SLIT3: variants seen among roughly 807,000 people sequenced by gnomAD.
The protein encoded by SLIT3 is slit guidance ligand 3.
A neutral mutation model predicts 184.0 loss-of-function variants in SLIT3; 68 were observed. The ratio of observed to expected loss-of-function variants is 0.37; its 90% confidence interval spans 0.30 to 0.45. SLIT3 has a LOEUF of 0.45. SLIT3 is among the 20% of genes least tolerant of loss of function. The pLI is 1.00. For synonymous variants in SLIT3, 831 were observed against 828.6 expected, an observed-to-expected ratio of 1.00 and a Z score of -0.05; for missense variants, 1,707 against 2,026.0, an observed-to-expected ratio of 0.84 and a Z score of 3.02.
intron 1 of SLIT3, among the ~76,000 whole-genome samples, chr5:169,296,482 G>A (rs1007628723): frequency 1.3e-5 from 2 of 152,162 alleles, no homozygotes; most frequent in African/African-American, 4.8e-5. Context: ...CTGTCCAGGA[G>A]GGCACTGTGT....
intron 5 of SLIT3, among the ~76,000 whole-genome samples, chr5:168,856,397 T>C (rs1435713971): frequency 6.6e-6 from 1 of 152,124 alleles, no homozygotes; most frequent in Non-Finnish European, 1.5e-5. Flanking sequence ...TATCTGGGTG[T>C]GAGAAGAACT....
At chr5:168,974,715 G>A (rs938263249) in intron 4 of SLIT3, among the ~76,000 whole-genome samples, 5 of 152,184 alleles carry the variant, frequency 3.3e-5, no homozygotes, top group Non-Finnish European at 7.3e-5. Flanking sequence ...TCTTTAGGGA[G>A]GGGCTGTCAC....
At chr5:169,103,620 T>A (rs1760097428) in intron 4 of SLIT3, among the ~76,000 whole-genome samples, 1 of 152,194 alleles carries the variant, frequency 6.6e-6, no homozygotes, top group South Asian at 2.1e-4. Flanking sequence ...TTCCCCAGGG[T>A]GGGCATGCTG....
chr5:169,053,695 G>A (rs934762126), intron 4 of SLIT3, among the ~76,000 whole-genome samples: 3 of 146,762 alleles, frequency 2.0e-5, no homozygotes, highest in South Asian at 2.2e-4. Flanking sequence ...GGAATTCCCC[G>A]CCCCCTTCTT....
intron 4 of SLIT3, among the ~76,000 whole-genome samples, chr5:169,102,652 A>AGT (rs1760062833): frequency 1.3e-5 from 2 of 152,110 alleles, no homozygotes; most frequent in Admixed American, 1.3e-4. Context: ...ACAGAGGACA[A>AGT]GTGTGTGTGT....
chr5:169,193,455 A>G, intron 4 of SLIT3, 24 bp downstream of exon 4: 2 of 1,605,820 alleles, frequency 1.2e-6, no homozygotes, highest in Non-Finnish European at 1.7e-6. Flanking sequence ...CACAAGGTAG[A>G]GAACACAAGG....
intron 4 of SLIT3, among the ~76,000 whole-genome samples, chr5:168,902,262 C>T (rs1011993851): frequency 7.2e-5 from 11 of 152,162 alleles, no homozygotes; most frequent in Non-Finnish European, 1.3e-4. Flanking sequence ...TGTTAAACAC[C>T]GTATGCCAGG....
chr5:168,761,467 C>G (rs1417608156), intron 15 of SLIT3, among the ~76,000 whole-genome samples: 3 of 152,168 alleles, frequency 2.0e-5, no homozygotes, highest in African/African-American at 7.2e-5. Context: ...ATGAAGACCA[C>G]TACCACTCAT....
Position 168,669,820 on chromosome 5 carries a change from C to T in SLIT3, c.4299G>A (p.Leu1433=), listed in dbSNP as rs372570993. 27 of 1,613,960 alleles carry T rather than the reference C, an allele frequency of 1.7e-5. No individual in the cohort carries two copies. Among genetic ancestry groups the T allele is most frequent in the African/African-American group, 4.0e-5 (3 of 74,934 alleles). ...HISDQGEPYC[L]CQPGFSGEHC... Reference sequence around the variant, plus strand: ...GCTCGCCGCTAAAGCCGGGCTGGCACAGGCAGTAGGGCTCCCCTTGGTCTG... The same window carrying T: ...GCTCGCCGCTAAAGCCGGGCTGGCATAGGCAGTAGGGCTCCCCTTGGTCTG... Residue 1433 remains leucine, a synonymous_variant, in exon 35 of 36, where the codon CTG becomes CTA. Coordinates refer to ENST00000519560, the MANE Select transcript of SLIT3 (RefSeq NM_003062.4).
At chr5:169,010,269 G>A (rs150542209) in intron 4 of SLIT3, among the ~76,000 whole-genome samples, 12 of 152,268 alleles carry the variant, frequency 7.9e-5, no homozygotes, top group Non-Finnish European at 1.6e-4. Flanking sequence ...AATGCCAGAT[G>A]AACAGCGATA....
intron 4 of SLIT3, chr5:168,995,634 T>C (rs1197798008): frequency 6.6e-6 from 1 of 152,228 alleles, no homozygotes; most frequent in African/African-American, 2.4e-5. Context: ...AGGAGCCCCT[T>C]GACACATTTG....
chr5:168,843,665 G>T (rs574129378), intron 6 of SLIT3, among the ~76,000 whole-genome samples: 1 of 152,228 alleles, frequency 6.6e-6, no homozygotes, highest in Non-Finnish European at 1.5e-5. Flanking sequence ...TCAACCACAC[G>T]TCTCCTGACA....
At chr5:169,111,048 G>T (rs1466236046) in intron 4 of SLIT3, among the ~76,000 whole-genome samples, 1 of 152,116 alleles carries the variant, frequency 6.6e-6, no homozygotes, top group African/African-American at 2.4e-5. Flanking sequence ...TTTTCAAACT[G>T]CCCGTGCATC....
chr5:168,848,895 G>A lies in SLIT3; in HGVS notation c.486-4240C>T, dbSNP rs369785996. The stretch of plus-strand genomic sequence containing the variant: ...TCTTTCAATTACAATGTGAAATTTC[G>A]TAATTGAAGCAGGATTAGAAATGTT... On this transcript the variant is annotated intron_variant, in intron 5 of 35. Coordinates refer to ENST00000519560, the MANE Select transcript of SLIT3 (RefSeq NM_003062.4). 2.0e-3 allele frequency among the ~76,000 whole-genome samples: 308 copies of A among 152,218 alleles called. 1 individual carries two copies. The highest frequency in any genetic ancestry group is 6.9e-3 in the African/African-American group (285 of 41,540).
intron 9 of SLIT3, among the ~76,000 whole-genome samples, chr5:168,804,650 C>A (rs1217052055): frequency 6.6e-6 from 1 of 152,182 alleles, no homozygotes; most frequent in Non-Finnish European, 1.5e-5. Flanking sequence ...TACTAACCAG[C>A]TCCTGCCTGC....
chr5:169,127,867 C>T (rs1761141099), intron 4 of SLIT3, among the ~76,000 whole-genome samples: 1 of 152,140 alleles, frequency 6.6e-6, no homozygotes, highest in South Asian at 2.1e-4. Flanking sequence ...TTTTCCTCAA[C>T]CCCAAAATGG....
chr5:169,122,893 C>T (rs527910316), intron 4 of SLIT3, among the ~76,000 whole-genome samples: 50 of 152,212 alleles, frequency 3.3e-4, no homozygotes, highest in Non-Finnish European at 5.7e-4. Context: ...AATCCTTGAA[C>T]TTTACCTACC....
intron 4 of SLIT3, among the ~76,000 whole-genome samples, chr5:169,096,756 CA>C (rs1437471573): frequency 6.6e-6 from 1 of 152,186 alleles, no homozygotes; most frequent in African/African-American, 2.4e-5. Context: ...TTAGTCCATT[CA>C]ACATTCCTAT....
intron 23 of SLIT3, among the ~76,000 whole-genome samples, chr5:168,713,131 C>A (rs1010155720): frequency 6.6e-6 from 1 of 152,154 alleles, no homozygotes; most frequent in African/African-American, 2.4e-5. Context: ...TCTCTGGAGC[C>A]GAACACTCAT....
Sources: allele counts gnomAD v4.1 joint callset (sites outside exome capture counted in the v4.1 genomes callset), GRCh38; gene constraint gnomAD v4.1.1; transcripts MANE v1.5; gene names NCBI Gene and HGNC (gene_info 2026-07-23, HGNC 2026-07-21).